CFAP299: variants seen among roughly 807,000 people sequenced by gnomAD.
CFAP299 encodes the protein cilia and flagella associated protein 299.
A neutral mutation model predicts 27.0 loss-of-function variants in CFAP299; 21 were observed. The ratio of observed to expected loss-of-function variants is 0.78; its 90% confidence interval spans 0.55 to 1.12. CFAP299 has a LOEUF of 1.12. Ranked by LOEUF, CFAP299 falls within the 50% of genes most tolerant of loss-of-function variation. The pLI, the probability that CFAP299 is intolerant of heterozygous loss-of-function variation, is 0.00. For missense variants in CFAP299, 310 were observed against 276.6 expected (o/e 1.12, Z -0.86); for synonymous variants, 104 against 98.1 (o/e 1.06, Z -0.36).
intron 2 of CFAP299, among the ~76,000 whole-genome samples, chr4:80,448,127 A>G (rs1728734445): frequency 6.6e-6 from 1 of 152,214 alleles, no homozygotes; most frequent in South Asian, 2.1e-4. Context: ...GCAATATTGC[A>G]GACTTTATTT....
intron 3 of CFAP299, among the ~76,000 whole-genome samples, chr4:80,646,984 AG>A (rs1648460342): frequency 6.9e-6 from 1 of 144,924 alleles, no homozygotes; most frequent in Non-Finnish European, 1.5e-5. Context: ...AGAGAGAGAG[AG>A]AGAGTGTGTG....
the CFAP299 span, among the ~76,000 whole-genome samples, chr4:80,327,399 G>A: frequency 6.6e-6 from 1 of 151,928 alleles, no homozygotes; most frequent in Non-Finnish European, 1.5e-5. Flanking sequence ...GAAATGTAGG[G>A]CTTCATAAGC....
intron 3 of CFAP299, among the ~76,000 whole-genome samples, chr4:80,800,505 TATATAATATATA>T (rs1728446102): frequency 1.8e-3 from 7 of 3,784 alleles, no homozygotes; most frequent in South Asian, 9.8e-3. Flanking sequence ...TATAATATAT[TATATAATATATA>T]ATATATAATA....
At position 80,479,425 on chromosome 4, in the gene CFAP299, G is replaced by A. The variant is rs192517345; in HGVS notation, c.243-103668G>A. Among the ~76,000 whole-genome samples, 115 of 152,042 alleles carry A rather than the reference G, an allele frequency of 7.6e-4. 1 individual carries two copies. The highest frequency in any genetic ancestry group is 2.7e-3 in the African/African-American group (111 of 41,536). On this transcript the variant is annotated intron_variant, in intron 2 of 5. Coordinates refer to ENST00000358105, the MANE Select transcript of CFAP299 (RefSeq NM_152770.3). ...ATATAAGGATTCCAATAGTCAAATA[G>A]CTTTGGGAAATGATGGTTAAAGACA...
intron 2 of CFAP299, among the ~76,000 whole-genome samples, chr4:80,447,747 C>A (rs1289502986): frequency 6.6e-6 from 1 of 152,164 alleles, no homozygotes; most frequent in African/African-American, 2.4e-5. Flanking sequence ...GCCACCATGC[C>A]CGGCCAACAA....
At chr4:80,694,400 T>G (rs914427465) in intron 3 of CFAP299, among the ~76,000 whole-genome samples, 2 of 152,176 alleles carry the variant, frequency 1.3e-5, no homozygotes, top group African/African-American at 2.4e-5. Context: ...TCACCACTAG[T>G]TAAATAGGGT....
chr4:80,530,434 G>A (rs1387897842), intron 2 of CFAP299, among the ~76,000 whole-genome samples: 1 of 152,054 alleles, frequency 6.6e-6, no homozygotes, highest in Admixed American at 6.6e-5. Context: ...ATGCAGTTAT[G>A]CTACAAGCCA....
chr4:80,570,916 T>C (rs1041325520), intron 2 of CFAP299, among the ~76,000 whole-genome samples: 1 of 152,094 alleles, frequency 6.6e-6, no homozygotes, highest in African/African-American at 2.4e-5. Context: ...TGGAACATAC[T>C]AAAGAAATAC....
At chr4:80,614,346 T>G (rs866480742) in intron 3 of CFAP299, among the ~76,000 whole-genome samples, 11 of 152,182 alleles carry the variant, frequency 7.2e-5, no homozygotes, top group African/African-American at 2.4e-4. Flanking sequence ...ATGACCTTGA[T>G]CCCCATAGCT....
intron 2 of CFAP299, among the ~76,000 whole-genome samples, chr4:80,577,397 ATTTTT>A (rs34922224): frequency 2.4e-4 from 24 of 98,854 alleles, no homozygotes; most frequent in South Asian, 2.1e-3. Flanking sequence ...ATTAGAAAAC[ATTTTT>A]TTTTTTTTTT....
intron 4 of CFAP299, among the ~76,000 whole-genome samples, chr4:80,887,976 G>A (rs1734054531): frequency 6.6e-6 from 1 of 151,636 alleles, no homozygotes; most frequent in Non-Finnish European, 1.5e-5. Flanking sequence ...CATACAATGG[G>A]CATATAAAAA....
chr4:80,643,648 T>C (rs1739838259), intron 3 of CFAP299, among the ~76,000 whole-genome samples: 1 of 152,158 alleles, frequency 6.6e-6, no homozygotes, highest in Non-Finnish European at 1.5e-5. Flanking sequence ...TGATTCATCC[T>C]ATATGATAAG....
chr4:80,682,530 GC>G lies in CFAP299; in HGVS notation c.333+99351del, dbSNP rs1357668432. The stretch of plus-strand genomic sequence containing the variant: ...AAATTTTCTATCTAAAATTTTTCCA[GC>G]CCCTACTAAATGCTAAGCAGTGTAC... On this transcript the variant is annotated intron_variant, in intron 3 of 5. Coordinates refer to ENST00000358105, the MANE Select transcript of CFAP299 (RefSeq NM_152770.3). Among the ~76,000 whole-genome samples, 6 of 151,896 alleles carry G rather than the reference GC, an allele frequency of 4.0e-5. No homozygotes were observed. In the East Asian group the frequency reaches 1.2e-3, roughly 29 times the overall value.
intron 3 of CFAP299, among the ~76,000 whole-genome samples, chr4:80,771,356 G>T (rs929697953): frequency 1.7e-4 from 26 of 152,100 alleles, no homozygotes; most frequent in African/African-American, 5.1e-4. Context: ...TATTTGCTCA[G>T]AAATATAGAT....
At chr4:80,425,181 G>A (rs141573226) in intron 2 of CFAP299, among the ~76,000 whole-genome samples, 15 of 152,190 alleles carry the variant, frequency 9.9e-5, no homozygotes, top group African/African-American at 3.6e-4. Flanking sequence ...AGGCCATGAA[G>A]GCAGAGGAAA....
rs536726144 is a variant in CFAP299 at position 80,615,731 on chromosome 4, A to G, written c.333+32548A>G. Among the ~76,000 whole-genome samples the G allele has an allele frequency of 8.6e-4, 131 of 152,254 alleles. 1 individual carries two copies. Among genetic ancestry groups the G allele is most frequent in the Non-Finnish European group, 1.0e-3 (69 of 68,002 alleles). On this transcript the variant is annotated intron_variant, in intron 3 of 5. Coordinates refer to ENST00000358105, the MANE Select transcript of CFAP299 (RefSeq NM_152770.3). ...CATACATCTTGATACTTTTAGCAAGATAGTTAAGAAGTAATTTATAAATTA... is the reference window on the plus strand; with the variant it reads ...CATACATCTTGATACTTTTAGCAAGGTAGTTAAGAAGTAATTTATAAATTA...
intron 2 of CFAP299, among the ~76,000 whole-genome samples, chr4:80,517,354 A>G (rs897228946): frequency 2.0e-5 from 3 of 152,170 alleles, no homozygotes; most frequent in Non-Finnish European, 4.4e-5. Flanking sequence ...AAATAGAGGT[A>G]GGTCCATGAG....
intron 2 of CFAP299, among the ~76,000 whole-genome samples, chr4:80,408,006 A>G (rs988115505): frequency 6.6e-6 from 1 of 152,180 alleles, no homozygotes; most frequent in South Asian, 2.1e-4. Flanking sequence ...TATCTGTATA[A>G]CATTCTGTTG....
At chr4:80,791,964 T>C (rs1362645847) in intron 3 of CFAP299, among the ~76,000 whole-genome samples, 3 of 151,866 alleles carry the variant, frequency 2.0e-5, no homozygotes, top group Non-Finnish European at 4.4e-5. Flanking sequence ...ATCAAAAATA[T>C]AAACAACTTC....
Sources: gnomAD v4.1 joint callset for allele counts (sites outside exome capture counted in the v4.1 genomes callset) on GRCh38, gnomAD v4.1.1 for gene constraint, MANE v1.5 for transcripts, NCBI Gene and HGNC (gene_info 2026-07-23, HGNC 2026-07-21) for gene names.